Variants in STAU1 observed in about 807,000 individuals in gnomAD.
STAU1 encodes the protein double-stranded RNA-binding protein Staufen homolog 1.
In STAU1, 13 loss-of-function variants were observed where a neutral mutation model predicts 62.9. The observed-to-expected ratio is 0.21, with a 90% CI of 0.13 to 0.33. The LOEUF is 0.33. Ranked by LOEUF, STAU1 falls within the 10% of genes least tolerant of loss-of-function variation. STAU1 has a pLI of 1.00. For synonymous variants in STAU1, 269 were observed against 265.1 expected (o/e 1.01, Z -0.14); for missense variants, 571 against 712.1 (o/e 0.80, Z 2.25).
chr20:49,163,419 C>CT (rs200864480), intron 3 of STAU1, among the ~76,000 whole-genome samples: 2,482 of 82,232 alleles, frequency 0.03, 110 homozygotes, highest in East Asian at 0.033. Flanking sequence ...GTGTTTAAAC[C>CT]TTTTTTTTTT....
chr20:49,210,048 C>CAA, the STAU1 span, among the ~76,000 whole-genome samples: 3 of 150,382 alleles, frequency 2.0e-5, no homozygotes, highest in East Asian at 5.9e-4. Flanking sequence ...CACTCTGTCT[C>CAA]AAAAAAAAAT....
chr20:49,140,531 CAGTA>C (rs1263095663), intron 5 of STAU1, among the ~76,000 whole-genome samples: 2 of 151,842 alleles, frequency 1.3e-5, no homozygotes, highest in African/African-American at 4.8e-5. Context: ...GAAAACATTA[CAGTA>C]AGTAACATAA....
At chr20:49,206,782 A>T in the STAU1 span, among the ~76,000 whole-genome samples, 2 of 111,596 alleles carry the variant, frequency 1.8e-5, no homozygotes, top group South Asian at 2.8e-4. Context: ...TTTGAGACAG[A>T]GTCTGGCTCT....
intron 6 of STAU1, among the ~76,000 whole-genome samples, chr20:49,128,390 G>A (rs1439765710): frequency 6.6e-6 from 1 of 151,954 alleles, no homozygotes; most frequent in African/African-American, 2.4e-5. Flanking sequence ...TCTCCTAACC[G>A]AGAGCCATGG....
chr20:49,186,572 T>C (rs348285), intron 1 of STAU1, among the ~76,000 whole-genome samples: 11 of 151,982 alleles, frequency 7.2e-5, no homozygotes, highest in African/African-American at 2.4e-4. Flanking sequence ...TCATATAAAA[T>C]TGAACACCCA....
intron 6 of STAU1, among the ~76,000 whole-genome samples, chr20:49,129,609 G>A (rs1211094499): frequency 3.4e-5 from 5 of 146,266 alleles, no homozygotes. Context: ...GATACATCTG[G>A]TTTAGAAAAC....
chr20:49,140,615 T>C (rs2092987149), intron 5 of STAU1, among the ~76,000 whole-genome samples: 1 of 151,838 alleles, frequency 6.6e-6, no homozygotes, highest in South Asian at 2.1e-4. Context: ...AAACAGAAAG[T>C]AAAGTAGAGG....
intron 5 of STAU1, among the ~76,000 whole-genome samples, chr20:49,147,186 G>T (rs772764868): frequency 6.6e-6 from 1 of 152,078 alleles, no homozygotes; most frequent in Non-Finnish European, 1.5e-5. Flanking sequence ...GATACTTTAC[G>T]TTCTTCTAAT....
chr20:49,196,342 C>T, the STAU1 span, among the ~76,000 whole-genome samples: 1 of 143,090 alleles, frequency 7.0e-6, no homozygotes. Context: ...AGGCTGAGGC[C>T]GGAGAATGGC....
At position 49,135,020 on chromosome 20, in the gene STAU1, G is replaced by A; in HGVS notation, c.609+813C>T. On this transcript the variant is annotated intron_variant, in intron 6 of 13. Coordinates refer to ENST00000371856, the MANE Select transcript of STAU1 (RefSeq NM_017453.4). The stretch of plus-strand genomic sequence containing the variant: ...TCTTTCAGGACCTGGACAGCGAAGG[G>A]AGCCCGGGCAGCCGCCATCTCCAGA... 4 of 1,594,752 alleles carry A rather than the reference G, an allele frequency of 2.5e-6. No individual in the cohort carries two copies. In the Admixed American group the frequency reaches 5.0e-5, roughly 20 times the overall value.
chr20:49,204,630 A>ATATGTG, the STAU1 span, among the ~76,000 whole-genome samples: 1 of 56,008 alleles, frequency 1.8e-5, no homozygotes, highest in Non-Finnish European at 2.9e-5. Flanking sequence ...ATATGTGTAT[A>ATATGTG]TATATATATA....
intron 1 of STAU1, among the ~76,000 whole-genome samples, chr20:49,177,306 C>T (rs1202758359): frequency 2.0e-5 from 3 of 151,516 alleles, no homozygotes; most frequent in Non-Finnish European, 4.4e-5. Flanking sequence ...GAGGCCGAGG[C>T]AGGTGGATCG....
At chr20:49,129,174 T>A (rs1205259849) in intron 6 of STAU1, among the ~76,000 whole-genome samples, 1 of 146,854 alleles carries the variant, frequency 6.8e-6, no homozygotes, top group Non-Finnish European at 1.5e-5. Context: ...AATAGTAAAA[T>A]AAAAACACGA....
chr20:49,136,133 A>G (rs1327051355), intron 5 of STAU1, among the ~76,000 whole-genome samples: 1 of 152,098 alleles, frequency 6.6e-6, no homozygotes, highest in Non-Finnish European at 1.5e-5. Flanking sequence ...CAAAAACAAA[A>G]ACAAAAAAAC....
chr20:49,157,672 G>A (rs2093382918), intron 3 of STAU1, among the ~76,000 whole-genome samples: 1 of 152,006 alleles, frequency 6.6e-6, no homozygotes, highest in Non-Finnish European at 1.5e-5. Flanking sequence ...TAGGGATGGG[G>A]TTTCACCATG....
the STAU1 span, among the ~76,000 whole-genome samples, chr20:49,204,676 A>C: frequency 1.3e-5 from 1 of 77,804 alleles, no homozygotes. Context: ...TTTTTTTGAG[A>C]TGGAGTCTGT....
intron 1 of STAU1, among the ~76,000 whole-genome samples, chr20:49,180,385 AC>A (rs1568940717): frequency 6.7e-6 from 1 of 149,122 alleles, no homozygotes; most frequent in Non-Finnish European, 1.5e-5. Flanking sequence ...GTGCAGCGGC[AC>A]GATGTCAGGT....
chr20:49,204,126 T>C, the STAU1 span, among the ~76,000 whole-genome samples: 3 of 147,498 alleles, frequency 2.0e-5, no homozygotes, highest in Admixed American at 6.8e-5. Flanking sequence ...GTGTATTTAC[T>C]TTTTTTTTTT....
chr20:49,128,003 C>G (rs1039638183), intron 6 of STAU1, among the ~76,000 whole-genome samples: 1 of 151,940 alleles, frequency 6.6e-6, no homozygotes, highest in Non-Finnish European at 1.5e-5. Flanking sequence ...TACAAAATTA[C>G]CTGGGCGTGG....
Sources: allele counts gnomAD v4.1 joint callset (sites outside exome capture counted in the v4.1 genomes callset), GRCh38; gene constraint gnomAD v4.1.1; transcripts MANE v1.5; gene names NCBI Gene and HGNC (gene_info 2026-07-23, HGNC 2026-07-21).